Variants in HS3ST3A1 observed in about 807,000 individuals in gnomAD.
HS3ST3A1 encodes heparan sulfate-glucosamine 3-sulfotransferase 3A1, also known as heparan sulfate glucosamine 3-O-sulfotransferase 3A1.
In HS3ST3A1, 19 loss-of-function variants were observed where a neutral mutation model predicts 25.7. That is an observed-to-expected ratio of 0.74 (90% CI 0.52 to 1.08). The LOEUF (loss-of-function observed/expected upper bound fraction) is 1.08. HS3ST3A1 is among the 50% of genes least tolerant of loss of function. The pLI is 0.00. For synonymous variants in HS3ST3A1, 226 were observed against 278.6 expected (o/e 0.81, Z 1.88); for missense variants, 459 against 594.3 (o/e 0.77, Z 2.37).
At chr17:13,540,302 G>T (rs1339358831) in intron 1 of HS3ST3A1, among the ~76,000 whole-genome samples, 1 of 152,156 alleles carries the variant, frequency 6.6e-6, no homozygotes, top group East Asian at 1.9e-4. Context: ...TTGCCAAAGG[G>T]TTCAGGGTTA....
At chr17:13,533,619 T>G (rs1295466185) in intron 1 of HS3ST3A1, among the ~76,000 whole-genome samples, 1 of 151,970 alleles carries the variant, frequency 6.6e-6, no homozygotes, top group East Asian at 1.9e-4. Context: ...GAAATCTGAT[T>G]GCATCACGAT....
intron 1 of HS3ST3A1, among the ~76,000 whole-genome samples, chr17:13,583,186 A>G (rs1051371435): frequency 2.6e-5 from 4 of 152,092 alleles, no homozygotes; most frequent in Non-Finnish European, 5.9e-5. Context: ...AAAAAATCTG[A>G]CTCGACCACT....
In HS3ST3A1 at chr17:13,542,315, C is replaced by T. The variant is rs534484969; in HGVS notation, c.600-45497G>A. On this transcript the variant is annotated intron_variant, in intron 1 of 1. Coordinates refer to ENST00000284110, the MANE Select transcript of HS3ST3A1 (RefSeq NM_006042.3). ...CTGCCCTCCAGCCTGGGCAACAGAG[C>T]GAGACTCTGTTTCCAAAAAAAAAAA... is the stretch of plus-strand genomic sequence containing the variant. 2.5e-4 allele frequency among the ~76,000 whole-genome samples: 31 copies of T among 124,456 alleles called. No individual in the cohort carries two copies. The South Asian group carries it at 7.3e-3, about 29-fold the overall frequency. The allele number at this position is 124,456 out of a possible 152,430, so 81.6% of individuals were successfully genotyped here. A position where few individuals can be genotyped will look rare whatever the true frequency, so the allele number is the denominator to read the frequency against.
At chr17:13,577,457 G>A (rs996636907) in intron 1 of HS3ST3A1, among the ~76,000 whole-genome samples, 32 of 152,042 alleles carry the variant, frequency 2.1e-4, no homozygotes, top group Admixed American at 2.0e-3. Flanking sequence ...GAGCCTTTTG[G>A]TCTGGCAAGG....
chr17:13,547,944 C>CAAA (rs750200323), intron 1 of HS3ST3A1, among the ~76,000 whole-genome samples: 4 of 53,416 alleles, frequency 7.5e-5, no homozygotes, highest in African/African-American at 1.0e-4. Flanking sequence ...TGGTGTGAGC[C>CAAA]AAAAAAAAAA....
At chr17:13,569,433 C>T (rs562076962) in intron 1 of HS3ST3A1, among the ~76,000 whole-genome samples, 1 of 152,252 alleles carries the variant, frequency 6.6e-6, no homozygotes, top group Non-Finnish European at 1.5e-5. Flanking sequence ...TTTATTGGCA[C>T]CATATTATGT....
chr17:13,560,398 C>T (rs1388875618), intron 1 of HS3ST3A1, among the ~76,000 whole-genome samples: 1 of 144,960 alleles, frequency 6.9e-6, no homozygotes, highest in Non-Finnish European at 1.5e-5. Context: ...GTGTGTGTAA[C>T]TCTATATATT....
In HS3ST3A1 at chr17:13,495,281, T is replaced by A. The variant is rs2142283777; in HGVS notation, c.*916A>T. Among the ~76,000 whole-genome samples the A allele has an allele frequency of 6.6e-6, 1 of 152,246 alleles. No homozygotes were observed. The highest frequency in any genetic ancestry group is 2.4e-5 in the African/African-American group (1 of 41,546). On this transcript the variant is annotated 3_prime_UTR_variant, in exon 2 of 2. Transcript: ENST00000284110. ...AATTCCTCTCCAATTCAATCAAGCA[T>A]TCATCAGTCAAGATTTCCATATCTC...
At chr17:13,572,712 C>T (rs956001248) in intron 1 of HS3ST3A1, among the ~76,000 whole-genome samples, 8 of 152,164 alleles carry the variant, frequency 5.3e-5, no homozygotes, top group African/African-American at 1.9e-4. Flanking sequence ...TTTTATTTTA[C>T]AGGATTAAGT....
chr17:13,578,582 A>AAG (rs1449526736), intron 1 of HS3ST3A1, among the ~76,000 whole-genome samples: 1 of 146,338 alleles, frequency 6.8e-6, no homozygotes, highest in African/African-American at 2.6e-5. Flanking sequence ...AAAAAAAAAA[A>AAG]GTCAGGGTTT....
chr17:13,559,082 T>C (rs538020835), intron 1 of HS3ST3A1, among the ~76,000 whole-genome samples: 1 of 152,320 alleles, frequency 6.6e-6, no homozygotes, highest in South Asian at 2.1e-4. Context: ...CATGGGGAAA[T>C]TGTAACAATT....
rs67523378 is a variant in HS3ST3A1 at position 13,512,305 on chromosome 17, C to CAAAAAAAAAAA, written c.600-15498_600-15488dup. 1.6e-4 allele frequency among the ~76,000 whole-genome samples: 13 copies of CAAAAAAAAAAA among 82,088 alleles called. 1 individual carries two copies. Among genetic ancestry groups the CAAAAAAAAAAA allele is most frequent in the African/African-American group, 6.6e-4 (11 of 16,772 alleles). 53.9% of individuals were successfully genotyped at this position (82,088 alleles called of 152,430 possible). On this transcript the variant is annotated intron_variant, in intron 1 of 1. Transcript: ENST00000284110. ...TGGGCGACAGAGCGAGACTCCGTCT[C>CAAAAAAAAAAA]AAAAAAAAAAAAAAAAAAAAAACTG...
chr17:13,552,847 T>A (rs986761217), intron 1 of HS3ST3A1, among the ~76,000 whole-genome samples: 12 of 152,166 alleles, frequency 7.9e-5, no homozygotes, highest in Non-Finnish European at 1.8e-4. Context: ...ACTTTTCACA[T>A]TTTCCATTGC....
chr17:13,514,119 C>T (rs1280332712), intron 1 of HS3ST3A1, among the ~76,000 whole-genome samples: 1 of 151,656 alleles, frequency 6.6e-6, no homozygotes, highest in Non-Finnish European at 1.5e-5. Flanking sequence ...TATGTTTTGT[C>T]TATTTTTTTC....
At chr17:13,594,654 A>G (rs1567633096) in intron 1 of HS3ST3A1, among the ~76,000 whole-genome samples, 2 of 152,206 alleles carry the variant, frequency 1.3e-5, no homozygotes. Context: ...AGGCATTTTT[A>G]ATATAAATCC....
chr17:13,517,435 AT>A (rs1906092480), intron 1 of HS3ST3A1, among the ~76,000 whole-genome samples: 1 of 152,148 alleles, frequency 6.6e-6, no homozygotes, highest in Admixed American at 6.5e-5. Flanking sequence ...CTATAAGGGA[AT>A]GTTTATGTTC....
chr17:13,504,506 G>A (rs1717130833), intron 1 of HS3ST3A1, among the ~76,000 whole-genome samples: 2 of 152,148 alleles, frequency 1.3e-5, no homozygotes. Flanking sequence ...GGGCATGAGA[G>A]GGGCTTCCAG....
At chr17:13,550,378 T>C (rs975585518) in intron 1 of HS3ST3A1, among the ~76,000 whole-genome samples, 22 of 152,174 alleles carry the variant, frequency 1.4e-4, no homozygotes, top group African/African-American at 4.8e-4. Flanking sequence ...GAAATTACAG[T>C]AGAGATGACG....
intron 1 of HS3ST3A1, among the ~76,000 whole-genome samples, chr17:13,512,224 G>T (rs929202748): frequency 6.7e-6 from 1 of 150,172 alleles, no homozygotes; most frequent in South Asian, 2.1e-4. Flanking sequence ...GCGTGAACCC[G>T]GGAAGCGGAG....
Sources: gnomAD v4.1 joint callset for allele counts (sites outside exome capture counted in the v4.1 genomes callset) on GRCh38, gnomAD v4.1.1 for gene constraint, MANE v1.5 for transcripts, NCBI Gene and HGNC (gene_info 2026-07-23, HGNC 2026-07-21) for gene names.